The following CENPI variants were observed in gnomAD, a reference collection of about 807,000 sequenced individuals.
The protein encoded by CENPI is FSH primary response 1.
In CENPI, 4 loss-of-function variants were observed where a neutral mutation model predicts 60.4. That is an observed-to-expected ratio of 0.07 (90% CI 0.03 to 0.15). The LOEUF (loss-of-function observed/expected upper bound fraction) is 0.15. Among genes scored for constraint, CENPI ranks in the 10% least tolerant of loss-of-function variants. The pLI is 1.00. For synonymous variants in CENPI, 157 were observed against 189.4 expected (o/e 0.83, Z 1.40); for missense variants, 444 against 534.5 (o/e 0.83, Z 1.67).
At chrX:101,132,656 G>T (rs976497289) in intron 15 of CENPI, among the ~76,000 whole-genome samples, 200 bp downstream of exon 15, 2 of 111,707 alleles carry the variant, frequency 1.8e-5, no homozygotes, top group Non-Finnish European at 3.8e-5. Context: ...CAGTTTTCCT[G>T]ACCTGTTTCC....
chrX:101,140,039 C>G (rs763944315), intron 15 of CENPI, among the ~76,000 whole-genome samples: 1 of 110,187 alleles, frequency 9.1e-6, no homozygotes, highest in Non-Finnish European at 1.9e-5. Context: ...GGTTTCACCG[C>G]GTTAGCCAGG....
the CENPI span, among the ~76,000 whole-genome samples, chrX:101,173,268 C>T: frequency 9.4e-6 from 1 of 106,174 alleles, no homozygotes; most frequent in Non-Finnish European, 1.9e-5. Flanking sequence ...CCCTCCTCGG[C>T]CTCCCAAAGT....
At chrX:101,151,855 AAAC>A (rs2090010413) in intron 20 of CENPI, among the ~76,000 whole-genome samples, 1 of 108,780 alleles carries the variant, frequency 9.2e-6, no homozygotes, top group African/African-American at 3.3e-5. Context: ...AAAAAAAAAA[AAAC>A]AAGAACAACA....
At chrX:101,154,819 A>G (rs1387433415) in intron 20 of CENPI, among the ~76,000 whole-genome samples, 1 of 110,770 alleles carries the variant, frequency 9.0e-6, no homozygotes, top group Non-Finnish European at 1.9e-5. Context: ...GTGTTTTTTG[A>G]TGTTATCGTA....
intron 12 of CENPI, among the ~76,000 whole-genome samples, chrX:101,129,544 CT>C (rs2089773454): frequency 2.7e-5 from 3 of 111,659 alleles, no homozygotes; most frequent in Non-Finnish European, 5.6e-5. Context: ...TCTTCTTCTT[CT>C]TCTCTGAATC....
At chrX:101,156,755 T>C (rs1192596164) in intron 20 of CENPI, among the ~76,000 whole-genome samples, 1 of 109,734 alleles carries the variant, frequency 9.1e-6, no homozygotes, top group Non-Finnish European at 1.9e-5. Context: ...ACGATGTTTT[T>C]TTTTTCATTC....
At chrX:101,154,153 A>G (rs10284071) in intron 20 of CENPI, among the ~76,000 whole-genome samples, 18,215 of 111,513 alleles carry the variant, frequency 0.16, 1,117 homozygotes, top group Middle Eastern at 0.24. Context: ...ATAGCTTTGT[A>G]GTAAGCTTTG....
At chrX:101,127,011 C>CT (rs2089743605) in intron 9 of CENPI, 127 bp from the exon 10 acceptor site, 1 of 621,912 alleles carries the variant, frequency 1.6e-6, no homozygotes, top group Non-Finnish European at 2.4e-6. Flanking sequence ...AAAAAAAATA[C>CT]TTTAAGTGCA....
intron 15 of CENPI, among the ~76,000 whole-genome samples, chrX:101,139,980 G>T (rs1049570615): frequency 2.7e-5 from 3 of 109,795 alleles, no homozygotes; most frequent in Non-Finnish European, 5.7e-5. Context: ...GACTACAGGC[G>T]CCCGCCACCA....
intron 18 of CENPI, among the ~76,000 whole-genome samples, chrX:101,146,759 A>G (rs1358147252): frequency 9.0e-6 from 1 of 110,898 alleles, no homozygotes; most frequent in Non-Finnish European, 1.9e-5. Context: ...TTTTTTTGAG[A>G]TGGAGTTTTG....
chrX:101,145,203 G>C lies in CENPI; in HGVS notation c.1701+4G>C. 8.4e-7 allele frequency: 1 copy of C among 1,193,516 alleles called. No homozygotes were observed. The highest frequency in any genetic ancestry group is 1.1e-6 in the Non-Finnish European group (1 of 883,843). On this transcript the variant is annotated splice_donor_region_variant and intron_variant, in intron 17 of 21. Coordinates refer to ENST00000682095, the MANE Select transcript of CENPI (RefSeq NM_001386188.2). Reference sequence around the variant, plus strand: ...TATTTTGGATTTCTATGAGAAGGTAGTACACATTACATTTTCCCCATTTGG... The same window carrying C: ...TATTTTGGATTTCTATGAGAAGGTACTACACATTACATTTTCCCCATTTGG...
At chrX:101,098,673 A>G (rs1438472209) in intron 2 of CENPI, 134 bp downstream of exon 2, 1 of 111,388 alleles carries the variant, frequency 9.0e-6, no homozygotes, top group Non-Finnish European at 1.9e-5. Flanking sequence ...ACTCCAAAAC[A>G]TTGCACGAAT....
At chrX:101,153,637 A>G (rs761358143) in intron 20 of CENPI, among the ~76,000 whole-genome samples, 31 of 111,752 alleles carry the variant, frequency 2.8e-4, no homozygotes, top group African/African-American at 9.4e-4. Flanking sequence ...TCAAGTTATA[A>G]TGGTTCTTTT....
intron 4 of CENPI, among the ~76,000 whole-genome samples, chrX:101,104,762 A>T (rs2089463637): frequency 9.1e-6 from 1 of 109,545 alleles, no homozygotes; most frequent in African/African-American, 3.3e-5. Context: ...TGGGAGTCTG[A>T]GGCAAGAGAA....
intron 20 of CENPI, among the ~76,000 whole-genome samples, chrX:101,152,717 A>G (rs1569503810): frequency 9.0e-6 from 1 of 111,309 alleles, no homozygotes; most frequent in Non-Finnish European, 1.9e-5. Flanking sequence ...TCTTTCACTT[A>G]GCATAATGTT....
At chrX:101,132,784 T>G (rs1159980527) in intron 15 of CENPI, among the ~76,000 whole-genome samples, 1 of 112,266 alleles carries the variant, frequency 8.9e-6, no homozygotes, top group Non-Finnish European at 1.9e-5. Flanking sequence ...ATACATTTAT[T>G]CATTTCACAA....
Position 101,163,084 on chromosome X carries a change from G to A in CENPI, c.*117G>A, listed in dbSNP as rs2090124911. The A allele has an allele frequency of 1.3e-6, 1 of 759,504 alleles. No homozygotes were observed. Among genetic ancestry groups the A allele is most frequent in the African/African-American group, 2.1e-5 (1 of 46,580 alleles). 62.6% of individuals were successfully genotyped at this position (759,504 alleles called of 1,213,427 possible). On this transcript the variant is annotated 3_prime_UTR_variant, in exon 22 of 22. Coordinates refer to ENST00000682095, the MANE Select transcript of CENPI (RefSeq NM_001386188.2). ...ACTGACAGACTGCCATCCTCAAGGA[G>A]TACTCAGACTGGCCTTCTGTTCATG...
chrX:101,142,536 A>C (rs1455827399), intron 16 of CENPI, among the ~76,000 whole-genome samples: 1 of 111,262 alleles, frequency 9.0e-6, no homozygotes, highest in Non-Finnish European at 1.9e-5. Context: ...ACTTCTCAAC[A>C]GTGGTTCTCG....
intron 18 of CENPI, among the ~76,000 whole-genome samples, chrX:101,147,496 T>C (rs1369896574): frequency 1.8e-5 from 2 of 110,868 alleles, no homozygotes; most frequent in African/African-American, 6.6e-5. Flanking sequence ...TTTTTAATAG[T>C]GAAACATTGA....
Sources: allele counts gnomAD v4.1 joint callset (sites outside exome capture counted in the v4.1 genomes callset), GRCh38; gene constraint gnomAD v4.1.1; transcripts MANE v1.5; gene names NCBI Gene and HGNC (gene_info 2026-07-23, HGNC 2026-07-21).